Variants in NDUFAF6 observed in about 807,000 individuals in gnomAD.
NDUFAF6 encodes NADH dehydrogenase (ubiquinone) complex I, assembly factor 6.
In NDUFAF6, 45 loss-of-function variants were observed where a neutral mutation model predicts 40.8. That is an observed-to-expected ratio of 1.10 (90% confidence interval 0.87 to 1.42). The LOEUF (loss-of-function observed/expected upper bound fraction) is 1.42, where lower values mean the gene tolerates loss of function less well. Ranked by LOEUF, NDUFAF6 falls within the 40% of genes most tolerant of loss-of-function variation. The pLI is 0.00. For synonymous variants in NDUFAF6, 185 were observed against 155.9 expected (o/e 1.19, Z -1.39); for missense variants, 435 against 418.5 (o/e 1.04, Z -0.34).
chr8:94,956,830 GA>G (rs1295105257), upstream of NDUFAF6, among the ~76,000 whole-genome samples: 1 of 152,102 alleles, frequency 6.6e-6, no homozygotes, highest in Non-Finnish European at 1.5e-5. Flanking sequence ...GAGAATCAAG[GA>G]TGGTGCTTGG....
At chr8:94,923,980 G>A (rs747636535) in intron 1 of NDUFAF6, among the ~76,000 whole-genome samples, 31 of 150,810 alleles carry the variant, frequency 2.1e-4, no homozygotes, top group Non-Finnish European at 2.5e-4. Context: ...GAGCCACTGC[G>A]TCCAGCCTGA....
chr8:94,953,551 A>G (rs1365539755), upstream of NDUFAF6, among the ~76,000 whole-genome samples: 1 of 152,220 alleles, frequency 6.6e-6, no homozygotes, highest in Non-Finnish European at 1.5e-5. Context: ...GTGTGTGAGC[A>G]AAGGGCTTTT....
chr8:95,105,476 C>T (rs1809813013), downstream of NDUFAF6, among the ~76,000 whole-genome samples: 1 of 152,076 alleles, frequency 6.6e-6, no homozygotes, highest in Non-Finnish European at 1.5e-5. Flanking sequence ...CCTCCCATCT[C>T]AGCATCCCAA....
Position 95,025,040 on chromosome 8 carries a change from G to C in NDUFAF6, c.32G>C (p.Gly11Ala). Residue 11 changes from glycine (G) to alanine (A), a missense_variant, in exon 1 of 9, where the codon GGG becomes GCG. Physicochemically the swap from Gly to Ala is moderately conservative, Grantham distance 60 (BLOSUM62 0). Transcript: ENST00000396124. MAASAHGSVW[G>A]PLRLGIPGLC... ...GCCTCCGCGCACGGCTCTGTCTGGG[G>C]GCCGTTGCGGCTTGGCATCCCCGGC... 2 of 1,416,282 alleles carry C rather than the reference G, an allele frequency of 1.4e-6. No individual in the cohort carries two copies. The highest frequency in any genetic ancestry group is 1.8e-6 in the Non-Finnish European group (2 of 1,097,616). The allele number at this position is 1,416,282 out of a possible 1,614,324, so 87.7% of individuals were successfully genotyped here. A position where few individuals can be genotyped will look rare whatever the true frequency, so the allele number is the denominator to read the frequency against.
intron 1 of NDUFAF6, among the ~76,000 whole-genome samples, chr8:94,913,136 A>G (rs543247895): frequency 2.0e-5 from 3 of 152,368 alleles, no homozygotes; most frequent in Admixed American, 6.5e-5. Context: ...ACAAAGGATG[A>G]ACATGTGTAA....
chr8:95,011,523 A>G (rs1447974544), intron 2 of NDUFAF6, among the ~76,000 whole-genome samples: 1 of 152,166 alleles, frequency 6.6e-6, no homozygotes, highest in Non-Finnish European at 1.5e-5. Context: ...GTAAGAACGG[A>G]GAGTGACATT....
chr8:95,007,659 GTTTTTTTTTTT>G lies in NDUFAF6; in HGVS notation c.-83-24323_-83-24313del, dbSNP rs553474402. Among the ~76,000 whole-genome samples the G allele has an allele frequency of 4.8e-5, 5 of 103,818 alleles. No homozygotes were observed. In the South Asian group the frequency reaches 1.7e-3, roughly 36 times the overall value. 68.1% of individuals were successfully genotyped at this position (103,818 alleles called of 152,430 possible). The stretch of plus-strand genomic sequence containing the variant: ...AGCCTGGGCAACAGTGTGAGGCTCT[GTTTTTTTTTTT>G]TTTTTTTTTTTTAATCTGTGGTATA... On this transcript the variant is annotated intron_variant, in intron 2 of 9. Coordinates refer to the NDUFAF6 transcript ENST00000396111.
chr8:95,054,914 T>C (rs1487576009), intron 8 of NDUFAF6, among the ~76,000 whole-genome samples: 2 of 152,248 alleles, frequency 1.3e-5, no homozygotes, highest in African/African-American at 4.8e-5. Context: ...TAAAAACTCT[T>C]TGAATATGAC....
At chr8:94,949,634 C>A (rs1161168286) in intron 2 of NDUFAF6, among the ~76,000 whole-genome samples, 1 of 151,904 alleles carries the variant, frequency 6.6e-6, no homozygotes, top group Non-Finnish European at 1.5e-5. Flanking sequence ...GGGAGGGAAG[C>A]GCTGGGGCCG....
intron 2 of NDUFAF6, among the ~76,000 whole-genome samples, chr8:95,015,876 TAA>T (rs1827423151): frequency 6.6e-6 from 1 of 152,170 alleles, no homozygotes; most frequent in African/African-American, 2.4e-5. Context: ...AGAAGAGTGC[TAA>T]GGGATAAATA....
At position 95,035,257 on chromosome 8, in the gene NDUFAF6, A is replaced by T. The variant is rs373229038; in HGVS notation, c.298-197A>T. Among the ~76,000 whole-genome samples the T allele has an allele frequency of 2.6e-5, 4 of 152,220 alleles. No homozygotes were observed. In the East Asian group the frequency reaches 7.7e-4, roughly 29 times the overall value. On this transcript the variant is annotated intron_variant, in intron 2 of 8. Coordinates refer to ENST00000396124, the MANE Select transcript of NDUFAF6 (RefSeq NM_152416.4). ...TTAAAAATTACTTAAAGAATGAATGAATGAATTTATTTAAAAGTACATGCA... is the reference window on the plus strand; with the variant it reads ...TTAAAAATTACTTAAAGAATGAATGTATGAATTTATTTAAAAGTACATGCA...
chr8:94,954,634 A>T (rs1822917285), upstream of NDUFAF6, among the ~76,000 whole-genome samples: 1 of 151,176 alleles, frequency 6.6e-6, no homozygotes, highest in Non-Finnish European at 1.5e-5. Flanking sequence ...AGAGTGGTCC[A>T]GGAGCAGGAA....
downstream of NDUFAF6, among the ~76,000 whole-genome samples, chr8:95,059,224 C>T (rs779507781): frequency 3.9e-5 from 6 of 152,258 alleles, no homozygotes; most frequent in Admixed American, 2.6e-4. Context: ...CTGCCCCATT[C>T]GGCTCTCTCA....
upstream of NDUFAF6, among the ~76,000 whole-genome samples, chr8:94,953,258 A>C (rs188527002): frequency 0.017 from 2,535 of 152,200 alleles, 44 homozygotes; most frequent in Non-Finnish European, 0.028. Flanking sequence ...GAGGCAGGAG[A>C]ATCGCTTGAA....
intron 1 of NDUFAF6, among the ~76,000 whole-genome samples, chr8:94,921,880 A>G (rs2515235): frequency 0.79 from 120,290 of 152,214 alleles, 48,637 homozygotes; most frequent in East Asian, 0.89. Flanking sequence ...CTCAAAGTGT[A>G]TTCCCTGGAA....
chr8:95,054,584 G>A (rs1317490043), intron 8 of NDUFAF6, among the ~76,000 whole-genome samples: 2 of 152,030 alleles, frequency 1.3e-5, no homozygotes, highest in Non-Finnish European at 2.9e-5. Context: ...ACAGGCATGC[G>A]CCACCATGCC....
chr8:95,006,320 A>T (rs1219371235), intron 2 of NDUFAF6, among the ~76,000 whole-genome samples: 1 of 136,188 alleles, frequency 7.3e-6, no homozygotes. Flanking sequence ...ATGCCACTGC[A>T]CTCTAGCCTA....
upstream of NDUFAF6, among the ~76,000 whole-genome samples, chr8:95,096,681 T>C (rs1482000701): frequency 6.6e-6 from 1 of 152,210 alleles, no homozygotes; most frequent in African/African-American, 2.4e-5. Context: ...TTAAAAACTA[T>C]GAACATCTTG....
At position 95,045,438 on chromosome 8, in the gene NDUFAF6, C is replaced by T. The variant is rs973920087; in HGVS notation, c.478-107C>T. 1.1e-5 allele frequency: 8 copies of T among 751,756 alleles called. No individual in the cohort carries two copies. In the African/African-American group the frequency reaches 1.4e-4, roughly 13 times the overall value. 46.6% of individuals were successfully genotyped at this position (751,756 alleles called of 1,614,324 possible). ...CTTATTGTGTACTAAATAACATATA[C>T]TGAATATTTTTATTCGTTATTCAGT... On this transcript the variant is annotated intron_variant, in intron 4 of 8. Transcript: ENST00000396124.
Sources: gnomAD v4.1 joint callset for allele counts (sites outside exome capture counted in the v4.1 genomes callset) on GRCh38, gnomAD v4.1.1 for gene constraint, MANE v1.5 for transcripts, NCBI Gene and HGNC (gene_info 2026-07-23, HGNC 2026-07-21) for gene names.